Variants in DDX60L observed in about 807,000 individuals in gnomAD.
DDX60L encodes the protein probable ATP-dependent RNA helicase DDX60-like.
DDX60L carries 191 observed loss-of-function variants against 211.6 expected under a neutral mutation model. The ratio of observed to expected loss-of-function variants is 0.90; its 90% confidence interval spans 0.80 to 1.02. The LOEUF is 1.02. Ranked by LOEUF, DDX60L falls within the 50% of genes least tolerant of loss-of-function variation. The pLI, the probability that DDX60L is intolerant of heterozygous loss-of-function variation, is 0.00. For synonymous variants in DDX60L, 706 were observed against 694.1 expected (o/e 1.02, Z -0.27); for missense variants, 2,007 against 1,984.1 (o/e 1.01, Z -0.22).
intron 36 of DDX60L, among the ~76,000 whole-genome samples, chr4:168,362,026 G>A (rs1468506926): frequency 6.6e-6 from 1 of 152,244 alleles, no homozygotes; most frequent in African/African-American, 2.4e-5. Flanking sequence ...GGAAAAGGCA[G>A]ACATGCACAG....
chr4:168,422,065 G>T (rs909755258), intron 16 of DDX60L, among the ~76,000 whole-genome samples, 156 bp from the exon 17 acceptor site: 1 of 152,184 alleles, frequency 6.6e-6, no homozygotes, highest in African/African-American at 2.4e-5. Flanking sequence ...GTGAACACTC[G>T]AAGGATTCAG....
chr4:168,376,697 CT>C (rs773438412), intron 33 of DDX60L, among the ~76,000 whole-genome samples: 44 of 152,240 alleles, frequency 2.9e-4, no homozygotes, highest in Non-Finnish European at 4.4e-4. Flanking sequence ...CATTGTGCCA[CT>C]GCTGGACACC....
intron 33 of DDX60L, 108 bp from the exon 34 acceptor site, chr4:168,375,632 A>C: frequency 2.0e-6 from 2 of 1,024,608 alleles, no homozygotes; most frequent in Non-Finnish European, 2.7e-6. Context: ...CTCATTCATC[A>C]AAACCCTTGA....
chr4:168,383,861 G>A (rs1447680774), intron 30 of DDX60L, among the ~76,000 whole-genome samples: 1 of 152,184 alleles, frequency 6.6e-6, no homozygotes, highest in Non-Finnish European at 1.5e-5. Flanking sequence ...AGCATTCAAA[G>A]TATTGATCCT....
intron 6 of DDX60L, 114 bp from the exon 7 acceptor site, chr4:168,456,266 C>T (rs868399030): frequency 7.5e-5 from 37 of 490,296 alleles, no homozygotes; most frequent in Middle Eastern, 5.5e-4. Context: ...TTTGACTAAA[C>T]GGAACTTCAA....
Position 168,414,450 on chromosome 4 carries a change from A to C in DDX60L, c.2979+958T>G, listed in dbSNP as rs1476262331. ...CAATAAGATATTAATAGAAACAACAAAAAGTCAAAAAACTAAAACTAGAGC... is the reference window on the plus strand; with the variant it reads ...CAATAAGATATTAATAGAAACAACACAAAGTCAAAAAACTAAAACTAGAGC... On this transcript the variant is annotated intron_variant, in intron 22 of 37. Transcript: ENST00000682922. Among the ~76,000 whole-genome samples the C allele has an allele frequency of 3.3e-5, 5 of 152,238 alleles. No individual in the cohort carries two copies. In the East Asian group the frequency reaches 7.7e-4, roughly 23 times the overall value.
chr4:168,403,499 C>A (rs1306839732), intron 25 of DDX60L, among the ~76,000 whole-genome samples: 1 of 152,210 alleles, frequency 6.6e-6, no homozygotes, highest in Non-Finnish European at 1.5e-5. Flanking sequence ...CACTTCGGTT[C>A]TCCTAATCAA....
intron 10 of DDX60L, among the ~76,000 whole-genome samples, chr4:168,433,413 T>C (rs1752629947): frequency 1.3e-5 from 2 of 152,000 alleles, no homozygotes; most frequent in Admixed American, 1.3e-4. Flanking sequence ...TGTCACAGTA[T>C]GAATAATGTG....
intron 1 of DDX60L, among the ~76,000 whole-genome samples, chr4:168,479,414 G>A (rs1267904615): frequency 1.3e-5 from 2 of 152,102 alleles, no homozygotes; most frequent in African/African-American, 2.4e-5. Flanking sequence ...TCTGTATGTC[G>A]TTGATGTTAT....
chr4:168,442,904 A>C (rs1239922129), intron 9 of DDX60L, among the ~76,000 whole-genome samples: 4 of 151,858 alleles, frequency 2.6e-5, no homozygotes, highest in African/African-American at 7.3e-5. Context: ...GACCAAAAGT[A>C]GATAAAACCA....
intron 25 of DDX60L, among the ~76,000 whole-genome samples, chr4:168,401,619 T>C (rs1477894579): frequency 2.6e-5 from 4 of 152,220 alleles, no homozygotes; most frequent in Admixed American, 2.0e-4. Flanking sequence ...CCATTTACCA[T>C]GATCATCTTG....
rs960872732 is a variant in DDX60L, at chr4:168,357,222, G to A, written c.*925C>T. The A allele has an allele frequency of 6.6e-6, 1 of 152,102 alleles. No individual in the cohort carries two copies. The allele number at this position is 152,102 out of a possible 1,614,324, so 9.4% of individuals were successfully genotyped here. On this transcript the variant is annotated 3_prime_UTR_variant, in exon 38 of 38. Coordinates refer to ENST00000682922, the MANE Select transcript of DDX60L (RefSeq NM_001012967.3). ...CATTTAGAAATAAGAAAGTGTAGGG[G>A]ACTTAAACAAAATCTATCATTGCTA...
chr4:168,442,743 G>A (rs1443718682), intron 9 of DDX60L, among the ~76,000 whole-genome samples: 3 of 151,236 alleles, frequency 2.0e-5, no homozygotes, highest in African/African-American at 7.3e-5. Flanking sequence ...AGCCTAACTG[G>A]GAGGCACCCC....
chr4:168,379,223 C>T (rs1462683565), intron 32 of DDX60L, 140 bp downstream of exon 32: 6 of 690,302 alleles, frequency 8.7e-6, no homozygotes, highest in Non-Finnish European at 1.3e-5. Context: ...TTTTTGGCAT[C>T]TGTAAATCTG....
chr4:168,390,785 G>C (rs180937616), intron 29 of DDX60L, among the ~76,000 whole-genome samples: 35 of 151,568 alleles, frequency 2.3e-4, no homozygotes, highest in Non-Finnish European at 4.7e-4. Context: ...CTGTTATATA[G>C]CCCTTCTCTT....
intron 4 of DDX60L, chr4:168,470,207 A>T (rs951884346): frequency 6.6e-6 from 1 of 152,240 alleles, no homozygotes; most frequent in Non-Finnish European, 1.5e-5. Context: ...ACTGTTATTC[A>T]TTGCTGGAGT....
chr4:168,461,490 C>T (rs1287115750), intron 5 of DDX60L, among the ~76,000 whole-genome samples: 1 of 152,042 alleles, frequency 6.6e-6, no homozygotes, highest in Non-Finnish European at 1.5e-5. Context: ...TAGGAGTACC[C>T]TGAGAATTAA....
chr4:168,407,300 C>T (rs62334121), intron 22 of DDX60L, among the ~76,000 whole-genome samples: 48,664 of 151,916 alleles, frequency 0.32, 7,897 homozygotes, highest in East Asian at 0.42. Context: ...GATCAGCTTC[C>T]GTCTGAAGCC....
At position 168,396,191 on chromosome 4, in the gene DDX60L, C is replaced by T. The variant is rs1745754941; in HGVS notation, c.3492-67G>A. 7 of 972,826 alleles carry T rather than the reference C, an allele frequency of 7.2e-6. No homozygotes were observed. In the Admixed American group the frequency reaches 1.3e-4, roughly 18 times the overall value. The allele number at this position is 972,826 out of a possible 1,614,324, so 60.3% of individuals were successfully genotyped here. On this transcript the variant is annotated intron_variant, in intron 26 of 37. Transcript: ENST00000682922. ...CTCATATTCAGTTACTGCAAGAAGCCTAAGGCCCCACAGATTTCCCTTGGT... is the reference window on the plus strand; with the variant it reads ...CTCATATTCAGTTACTGCAAGAAGCTTAAGGCCCCACAGATTTCCCTTGGT...
Sources: allele counts gnomAD v4.1 joint callset (sites outside exome capture counted in the v4.1 genomes callset), GRCh38; gene constraint gnomAD v4.1.1; transcripts MANE v1.5; gene names NCBI Gene and HGNC (gene_info 2026-07-23, HGNC 2026-07-21).